The following RHOA variants were observed in gnomAD, a reference collection of about 807,000 sequenced individuals.
RHOA encodes the protein ras homolog family member A, also known as transforming protein RhoA.
In RHOA, 3 loss-of-function variants were observed where a neutral mutation model predicts 17.5. That is an observed-to-expected ratio of 0.17 (90% CI 0.08 to 0.44). The LOEUF (loss-of-function observed/expected upper bound fraction) is 0.44. Ranked by LOEUF, RHOA falls within the 20% of genes least tolerant of loss-of-function variation. The probability of loss-of-function intolerance (pLI) is 0.99; values close to 1 mark genes in which losing one functional copy is unlikely to be tolerated. For synonymous variants in RHOA, 98 were observed against 88.4 expected, an observed-to-expected ratio of 1.11 and a Z score of -0.61; for missense variants, 56 against 242.3, an observed-to-expected ratio of 0.23 and a Z score of 5.10.
chr3:49,391,716 G>A (rs2048512080), intron 1 of RHOA, among the ~76,000 whole-genome samples: 1 of 151,842 alleles, frequency 6.6e-6, no homozygotes, highest in South Asian at 2.1e-4. Context: ...TCTCCATGTT[G>A]GTCAGGCTGG....
intron 3 of RHOA, chr3:49,366,688 A>ATAC (rs1426038527): frequency 6.6e-6 from 1 of 152,260 alleles, no homozygotes; most frequent in African/African-American, 2.4e-5. Flanking sequence ...GTCCTGGGAC[A>ATAC]TACTGCACAG....
chr3:49,382,339 A>G (rs145674046), intron 1 of RHOA, among the ~76,000 whole-genome samples: 1 of 151,202 alleles, frequency 6.6e-6, no homozygotes, highest in African/African-American at 2.4e-5. Context: ...AAATAAATAA[A>G]ATAAAAAAAT....
intron 1 of RHOA, among the ~76,000 whole-genome samples, chr3:49,380,671 C>CAAA: frequency 8.9e-6 from 1 of 111,998 alleles, no homozygotes; most frequent in Non-Finnish European, 1.7e-5. Flanking sequence ...ACTCTTGTCT[C>CAAA]AAAAATAATA....
chr3:49,410,545 G>A (rs1442970152), intron 1 of RHOA, among the ~76,000 whole-genome samples: 1 of 152,182 alleles, frequency 6.6e-6, no homozygotes, highest in African/African-American at 2.4e-5. Flanking sequence ...AAGTTATCCA[G>A]AGATCCTTCA....
intron 3 of RHOA, among the ~76,000 whole-genome samples, chr3:49,367,400 C>CTG (rs1477583948): frequency 1.4e-5 from 2 of 146,854 alleles, no homozygotes; most frequent in East Asian, 4.3e-4. Context: ...AATTATGTGG[C>CTG]TGTGTTTAGG....
At chr3:49,389,099 T>C (rs1370185823) in intron 1 of RHOA, among the ~76,000 whole-genome samples, 1 of 152,030 alleles carries the variant, frequency 6.6e-6, no homozygotes, top group East Asian at 1.9e-4. Context: ...CCCAGCACTT[T>C]GGGAGGCCGA....
At chr3:49,401,664 C>T (rs995555818) in intron 1 of RHOA, among the ~76,000 whole-genome samples, 1 of 152,142 alleles carries the variant, frequency 6.6e-6, no homozygotes, top group Non-Finnish European at 1.5e-5. Context: ...AAACTACCAT[C>T]CATCCATCTG....
intron 1 of RHOA, among the ~76,000 whole-genome samples, chr3:49,389,079 C>A (rs769039936): frequency 6.6e-6 from 1 of 152,064 alleles, no homozygotes; most frequent in Non-Finnish European, 1.5e-5. Flanking sequence ...TGGTAGCTCA[C>A]GCCTGTAATC....
At chr3:49,375,406 C>A (rs2107848913) in intron 2 of RHOA, 28 bp downstream of exon 2, 1 of 1,585,942 alleles carries the variant, frequency 6.3e-7, no homozygotes, top group Non-Finnish European at 8.6e-7. Context: ...TGGAAAATGG[C>A]ATCAGTTGTT....
At chr3:49,407,860 T>C (rs1237169361) in intron 1 of RHOA, among the ~76,000 whole-genome samples, 3 of 151,822 alleles carry the variant, frequency 2.0e-5, no homozygotes, top group African/African-American at 4.8e-5. Flanking sequence ...TAAGATACTA[T>C]CATAAATATG....
intron 3 of RHOA, among the ~76,000 whole-genome samples, chr3:49,364,075 C>A (rs143794953): frequency 6.6e-6 from 1 of 151,916 alleles, no homozygotes; most frequent in East Asian, 1.9e-4. Flanking sequence ...ATAGGCTGGG[C>A]GCAGTGGCTC....
chr3:49,378,240 C>CTTT (rs71077802), intron 1 of RHOA, among the ~76,000 whole-genome samples: 135 of 60,654 alleles, frequency 2.2e-3, no homozygotes, highest in Non-Finnish European at 2.5e-3. Context: ...ATCCATCTAT[C>CTTT]TTTTTTTTTT....
intron 1 of RHOA, among the ~76,000 whole-genome samples, chr3:49,410,162 G>C (rs140507038): frequency 2.5e-4 from 38 of 152,316 alleles, no homozygotes; most frequent in African/African-American, 8.2e-4. Flanking sequence ...GAATAAGCTA[G>C]AAGTCCTGAA....
At position 49,360,370 on chromosome 3, in the gene RHOA, G is replaced by C. The variant is rs775207141; in HGVS notation, c.421C>G (p.Pro141Ala). The C allele has an allele frequency of 6.2e-7, 1 of 1,609,722 alleles. No individual in the cohort carries two copies. The highest frequency in any genetic ancestry group is 8.5e-7 in the Non-Finnish European group (1 of 1,178,586). ...LAKMKQEPVK[P>A]EEGRDMANRI... Reference sequence around the variant, plus strand: ...TTTGCCATATCTCTGCCTTCTTCAGGTTTCACCGGCTCCTAGCAAAGAAAA... The same window carrying C: ...TTTGCCATATCTCTGCCTTCTTCAGCTTTCACCGGCTCCTAGCAAAGAAAA... Residue 141 changes from proline to alanine, a missense_variant, in exon 5 of 5, where the codon CCT becomes GCT. Physicochemically the swap from Pro to Ala is conservative, Grantham distance 27. Coordinates refer to ENST00000418115, the MANE Select transcript of RHOA (RefSeq NM_001664.4).
At chr3:49,386,958 C>CA (rs757082223) in intron 1 of RHOA, among the ~76,000 whole-genome samples, 11 of 147,872 alleles carry the variant, frequency 7.4e-5, no homozygotes, top group South Asian at 2.1e-4. Flanking sequence ...ACTAAAAATA[C>CA]AAAAAAAAAT....
At chr3:49,411,758 G>A (rs1390417972) in intron 1 of RHOA, 62 bp downstream of exon 1, 1 of 152,110 alleles carries the variant, frequency 6.6e-6, no homozygotes, top group Non-Finnish European at 1.5e-5. Flanking sequence ...CTGCCGGCCG[G>A]AAGAGTACCG....
chr3:49,397,191 T>C (rs375941188), intron 1 of RHOA, among the ~76,000 whole-genome samples: 2 of 148,218 alleles, frequency 1.3e-5, no homozygotes, highest in Admixed American at 6.7e-5. Context: ...CTTTAAAACA[T>C]TGCATAAATG....
In RHOA at chr3:49,359,481, C is replaced by T. The variant is rs76540530; in HGVS notation, c.*728G>A. 5.2e-4 allele frequency: 100 copies of T among 193,674 alleles called. No homozygotes were observed. The highest frequency in any genetic ancestry group is 2.1e-3 in the African/African-American group (92 of 43,246). The allele number at this position is 193,674 out of a possible 1,614,324, so 12.0% of individuals were successfully genotyped here. On this transcript the variant is annotated 3_prime_UTR_variant, in exon 5 of 5. Coordinates refer to ENST00000418115, the MANE Select transcript of RHOA (RefSeq NM_001664.4). ...TCTTTTATCAGAAAAAGTGACAAAA[C>T]GGGAATTTAAAAAATGAATTTTCCA...
intron 1 of RHOA, among the ~76,000 whole-genome samples, chr3:49,396,797 C>A (rs1393335886): frequency 1.1e-4 from 16 of 151,794 alleles, no homozygotes; most frequent in Non-Finnish European, 2.2e-4. Context: ...CCAGCCCGGG[C>A]AACATAGTGA....
Sources: gnomAD v4.1 joint callset for allele counts (sites outside exome capture counted in the v4.1 genomes callset) on GRCh38, gnomAD v4.1.1 for gene constraint, MANE v1.5 for transcripts, NCBI Gene and HGNC (gene_info 2026-07-23, HGNC 2026-07-21) for gene names.